TMEFF2: variants seen among roughly 807,000 people sequenced by gnomAD.
TMEFF2 encodes transmembrane protein with EGF like and two follistatin like domains 2, also known as tomoregulin-2.
In TMEFF2, 28 loss-of-function variants were observed where a neutral mutation model predicts 53.8. That is an observed-to-expected ratio of 0.52 (90% CI 0.39 to 0.71). The LOEUF (loss-of-function observed/expected upper bound fraction) is 0.71, where lower values mean the gene tolerates loss of function less well. TMEFF2 is among the 30% of genes least tolerant of loss of function. The probability of loss-of-function intolerance (pLI) is 0.00; values close to 1 mark genes in which losing one functional copy is unlikely to be tolerated. For missense variants in TMEFF2, 353 were observed against 455.2 expected (o/e 0.78, Z 2.04); for synonymous variants, 162 against 166.3 (o/e 0.97, Z 0.20).
chr2:192,004,231 T>C (rs140263046), intron 5 of TMEFF2, among the ~76,000 whole-genome samples: 150 of 151,798 alleles, frequency 9.9e-4, no homozygotes, highest in African/African-American at 2.9e-3. Context: ...GGAGAGGGGG[T>C]TCCTGAAGAA....
intron 4 of TMEFF2, among the ~76,000 whole-genome samples, chr2:192,169,757 A>G (rs545258136): frequency 6.6e-6 from 1 of 152,150 alleles, no homozygotes; most frequent in East Asian, 1.9e-4. Context: ...TGGAAAATCC[A>G]CAGAGTGTGC....
At chr2:192,028,673 A>AT (rs1313719251) in intron 5 of TMEFF2, 2 of 152,152 alleles carry the variant, frequency 1.3e-5, no homozygotes, top group South Asian at 4.1e-4. Context: ...CGTGAGCATC[A>AT]TGATGTGCAA....
At chr2:192,055,632 G>T (rs189926984) in intron 5 of TMEFF2, among the ~76,000 whole-genome samples, 1 of 151,586 alleles carries the variant, frequency 6.6e-6, no homozygotes, top group South Asian at 2.1e-4. Flanking sequence ...AAAATTAGCC[G>T]GGCATGGTGG....
intron 4 of TMEFF2, among the ~76,000 whole-genome samples, chr2:192,116,413 C>T (rs993037894): frequency 1.2e-4 from 18 of 151,812 alleles, no homozygotes; most frequent in African/African-American, 1.7e-4. Context: ...TGTACAGCAT[C>T]GTGAGTATAC....
intron 6 of TMEFF2, among the ~76,000 whole-genome samples, chr2:191,998,746 C>A (rs1046739923): frequency 6.6e-6 from 1 of 151,880 alleles, no homozygotes; most frequent in Non-Finnish European, 1.5e-5. Context: ...TTCTTAGATT[C>A]GTTTTAAAAA....
At chr2:192,120,034 T>A (rs1029299277) in intron 4 of TMEFF2, among the ~76,000 whole-genome samples, 2 of 152,046 alleles carry the variant, frequency 1.3e-5, no homozygotes, top group Admixed American at 1.3e-4. Context: ...GAAATAGACA[T>A]CTCTTTATCA....
chr2:191,951,155 ATGTG>A (rs1282654394), intron 9 of TMEFF2, among the ~76,000 whole-genome samples: 4 of 142,236 alleles, frequency 2.8e-5, no homozygotes, highest in South Asian at 4.3e-4. Context: ...ATGTGGGTTT[ATGTG>A]TATGTATGTG....
intron 4 of TMEFF2, among the ~76,000 whole-genome samples, chr2:192,112,398 G>A (rs180854687): frequency 1.1e-4 from 17 of 152,272 alleles, no homozygotes; most frequent in Admixed American, 3.3e-4. Flanking sequence ...TTGGATTTGC[G>A]TGGGGCCTGT....
At chr2:192,056,793 G>A (rs1407250791) in intron 5 of TMEFF2, among the ~76,000 whole-genome samples, 2 of 152,054 alleles carry the variant, frequency 1.3e-5, no homozygotes, top group Non-Finnish European at 2.9e-5. Flanking sequence ...TCATGAATGG[G>A]ATTAGTGCCC....
chr2:192,068,338 A>G (rs1323485851), intron 4 of TMEFF2, among the ~76,000 whole-genome samples: 2 of 151,940 alleles, frequency 1.3e-5, no homozygotes, highest in African/African-American at 2.4e-5. Flanking sequence ...TTTTGACCTT[A>G]TAATGATGCT....
chr2:192,163,598 AG>A (rs1417259913), intron 4 of TMEFF2, among the ~76,000 whole-genome samples: 1 of 152,258 alleles, frequency 6.6e-6, no homozygotes, highest in Non-Finnish European at 1.5e-5. Context: ...CAATATACTC[AG>A]GCTTTATTGA....
intron 4 of TMEFF2, among the ~76,000 whole-genome samples, chr2:192,093,693 C>T (rs1339701658): frequency 3.3e-5 from 5 of 152,078 alleles, no homozygotes; most frequent in South Asian, 2.1e-4. Context: ...GAGTAGACCC[C>T]GGCCCAATCA....
chr2:192,109,970 T>C (rs1447718055), intron 4 of TMEFF2, among the ~76,000 whole-genome samples: 8 of 151,918 alleles, frequency 5.3e-5, no homozygotes, highest in Non-Finnish European at 1.5e-5. Context: ...TGATATGGCT[T>C]AGGGAGAAAA....
intron 9 of TMEFF2, among the ~76,000 whole-genome samples, chr2:191,953,089 C>A (rs1691937400): frequency 6.6e-6 from 1 of 152,212 alleles, no homozygotes; most frequent in Non-Finnish European, 1.5e-5. Flanking sequence ...TGGCCTCATT[C>A]CTTTACTCCA....
At chr2:192,096,919 G>A (rs571182834) in intron 4 of TMEFF2, among the ~76,000 whole-genome samples, 10 of 151,646 alleles carry the variant, frequency 6.6e-5, no homozygotes, top group African/African-American at 2.2e-4. Flanking sequence ...CAAGTGATCC[G>A]TCTGCCACGG....
At chr2:192,028,257 A>G (rs76640517) in intron 5 of TMEFF2, among the ~76,000 whole-genome samples, 1 of 152,100 alleles carries the variant, frequency 6.6e-6, no homozygotes, top group South Asian at 2.1e-4. Flanking sequence ...TAAGTCCATT[A>G]AACCTCTTTC....
intron 4 of TMEFF2, among the ~76,000 whole-genome samples, chr2:192,086,736 C>A (rs546488447): frequency 2.0e-5 from 3 of 152,102 alleles, no homozygotes; most frequent in Non-Finnish European, 4.4e-5. Flanking sequence ...GTCTTTAATT[C>A]ATTGTGGAAT....
chr2:192,021,869 T>A (rs1216674662), intron 5 of TMEFF2: 1 of 152,216 alleles, frequency 6.6e-6, no homozygotes, highest in Non-Finnish European at 1.5e-5. Context: ...AGTCCTTAGC[T>A]CATAGCTTAG....
chr2:192,186,814 T>G (rs982798438), intron 2 of TMEFF2, among the ~76,000 whole-genome samples: 4 of 152,192 alleles, frequency 2.6e-5, no homozygotes. Context: ...TACTCAAATA[T>G]AAAGTCAGTG....
Sources: gnomAD v4.1 joint callset for allele counts (sites outside exome capture counted in the v4.1 genomes callset) on GRCh38, gnomAD v4.1.1 for gene constraint, MANE v1.5 for transcripts, NCBI Gene and HGNC (gene_info 2026-07-23, HGNC 2026-07-21) for gene names.